The following ARFGEF1 variants were observed in gnomAD, a reference collection of about 807,000 sequenced individuals.
ARFGEF1 encodes the protein brefeldin A-inhibited guanine nucleotide-exchange protein 1.
A neutral mutation model predicts 231.0 loss-of-function variants in ARFGEF1; 42 were observed. That is an observed-to-expected ratio of 0.18 (90% CI 0.14 to 0.24). The LOEUF (loss-of-function observed/expected upper bound fraction) is 0.24, where lower values mean the gene tolerates loss of function less well. ARFGEF1 is among the 10% of genes least tolerant of loss of function. ARFGEF1 has a pLI of 1.00. For synonymous variants in ARFGEF1, 710 were observed against 732.3 expected (o/e 0.97, Z 0.49); for missense variants, 1,345 against 2,192.0 (o/e 0.61, Z 7.72).
downstream of ARFGEF1, chr8:67,175,461 A>C (rs764843751): frequency 1.9e-6 from 3 of 1,613,188 alleles, no homozygotes; most frequent in Admixed American, 3.3e-5. Flanking sequence ...TTGCTGTGTC[A>C]AATAGTATCA....
In ARFGEF1 at chr8:67,259,884, T is replaced by C. The variant is rs748668070; in HGVS notation, c.2166A>G (p.Glu722=). ...CAGGTGTGGTGCCAAGCATCCCTTG[T>C]TCTTGGAGGTACTGTATTCCTCTCT... is the stretch of plus-strand genomic sequence containing the variant. ...KPKRGIQYLQ[E]QGMLGTTPED... Residue 722 remains glutamate, a synonymous_variant, in exon 15 of 39, where the codon GAA becomes GAG. Transcript: ENST00000262215. 1 of 1,612,990 alleles carries C rather than the reference T, an allele frequency of 6.2e-7. No homozygotes were observed.
chr8:67,247,936 T>TGCTACTGAATTTTGTA (rs1840156470), intron 19 of ARFGEF1, among the ~76,000 whole-genome samples: 1 of 149,914 alleles, frequency 6.7e-6, no homozygotes. Context: ...GAGAAAGAAA[T>TGCTACTGAATTTTGTA]TTTAAAAATT....
chr8:67,243,152 C>A (rs1262888560), intron 19 of ARFGEF1, among the ~76,000 whole-genome samples: 1 of 152,226 alleles, frequency 6.6e-6, no homozygotes, highest in East Asian at 1.9e-4. Context: ...TATGAGTCTG[C>A]AAGAACTACA....
chr8:67,224,808 TG>T, intron 29 of ARFGEF1, 94 bp downstream of exon 29: 1 of 786,594 alleles, frequency 1.3e-6, no homozygotes, highest in Non-Finnish European at 1.8e-6. Flanking sequence ...CTTGATTTTA[TG>T]GTCTTTAACT....
At chr8:67,185,664 G>A (rs924437895) in intron 5 of ARFGEF1, among the ~76,000 whole-genome samples, 1 of 152,122 alleles carries the variant, frequency 6.6e-6, no homozygotes, top group Non-Finnish European at 1.5e-5. Context: ...AGTATATCTG[G>A]AAAGCAGTCT....
chr8:67,198,179 G>A lies in ARFGEF1; in HGVS notation c.*755C>T, dbSNP rs1432781994. 8.1e-6 allele frequency: 8 copies of A among 985,214 alleles called. No individual in the cohort carries two copies. Among genetic ancestry groups the A allele is most frequent in the African/African-American group, 1.8e-5 (1 of 57,026 alleles). 61.0% of individuals were successfully genotyped at this position (985,214 alleles called of 1,614,324 possible). A position where few individuals can be genotyped will look rare whatever the true frequency, so the allele number is the denominator to read the frequency against. ...TTTTTTTCCCTATTGTTGAAGTGTC[G>A]GCCACAACAGCTTCTGGGCATGTTA... On this transcript the variant is annotated 3_prime_UTR_variant, in exon 39 of 39. Coordinates refer to ENST00000262215, the MANE Select transcript of ARFGEF1 (RefSeq NM_006421.5).
chr8:67,304,943 G>A (rs1806669616), intron 1 of ARFGEF1, among the ~76,000 whole-genome samples: 1 of 152,178 alleles, frequency 6.6e-6, no homozygotes, highest in Admixed American at 6.5e-5. Flanking sequence ...AAGAGGCTGA[G>A]ATACTACTAC....
chr8:67,201,924 C>A (rs1381916458), intron 36 of ARFGEF1: 6 of 317,648 alleles, frequency 1.9e-5, no homozygotes, highest in South Asian at 1.1e-4. Flanking sequence ...ACAGGGGCAA[C>A]CCCCAGGAGG....
At position 67,198,914 on chromosome 8, in the gene ARFGEF1, A is replaced by T. The variant is rs1339452190; in HGVS notation, c.*20T>A. On this transcript the variant is annotated 3_prime_UTR_variant, in exon 39 of 39. Transcript: ENST00000262215. ...AAAGAGCAGAGGGATGTAAATGCCA[A>T]CAAAAATATTAAGTTCCCATCATTG... 2 of 1,610,244 alleles carry T rather than the reference A, an allele frequency of 1.2e-6. No homozygotes were observed. The highest frequency in any genetic ancestry group is 1.7e-6 in the Non-Finnish European group (2 of 1,178,974).
intron 1 of ARFGEF1, among the ~76,000 whole-genome samples, chr8:67,324,971 C>T (rs1006376221): frequency 2.7e-5 from 4 of 149,638 alleles, no homozygotes; most frequent in Non-Finnish European, 4.4e-5. Flanking sequence ...TGGAATGCAA[C>T]GGCGCTATCT....
rs1838163103 is a variant in ARFGEF1, at chr8:67,198,144, AT to A, written c.*789del. The A allele has an allele frequency of 1.0e-6, 1 of 985,610 alleles. No homozygotes were observed. The highest frequency in any genetic ancestry group is 4.7e-5 in the South Asian group (1 of 21,286). 61.1% of individuals were successfully genotyped at this position (985,610 alleles called of 1,614,324 possible). A position where few individuals can be genotyped will look rare whatever the true frequency, so the allele number is the denominator to read the frequency against. On this transcript the variant is annotated 3_prime_UTR_variant, in exon 39 of 39. Coordinates refer to ENST00000262215, the MANE Select transcript of ARFGEF1 (RefSeq NM_006421.5). ...ACAGGTAGTTACTGTCAGTAGGGAT[AT>A]TTTCTACCTTTTTTTCCCTATTGTT...
intron 5 of ARFGEF1, chr8:67,190,812 G>T (rs1385665498): frequency 2.3e-6 from 3 of 1,287,632 alleles, no homozygotes; most frequent in East Asian, 2.3e-5. Flanking sequence ...GAGAGGTCTG[G>T]GTTCTGACCT....
intron 26 of ARFGEF1, 37 bp from the exon 27 acceptor site, chr8:67,227,346 C>CA: frequency 6.3e-7 from 1 of 1,598,928 alleles, no homozygotes; most frequent in Non-Finnish European, 8.5e-7. Flanking sequence ...ATATGCAAAC[C>CA]GATAAAACTC....
In ARFGEF1 at chr8:67,187,077, A is replaced by C. The variant is rs28820669; in HGVS notation, c.561-11505T>G. On this transcript the variant is annotated intron_variant, in intron 5 of 5. Coordinates refer to the ARFGEF1 transcript ENST00000518789. ...AACTGATGAAATTGAAGGACTACTA[A>C]ATAAATGGAGATATATTTCATGACC... 2.2e-3 allele frequency among the ~76,000 whole-genome samples: 333 copies of C among 152,258 alleles called. 1 individual carries two copies. The highest frequency in any genetic ancestry group is 4.2e-3 in the Non-Finnish European group (284 of 68,018).
At position 67,198,619 on chromosome 8, in the gene ARFGEF1, G is replaced by T; in HGVS notation, c.*315C>A. 9.3e-7 allele frequency: 1 copy of T among 1,078,910 alleles called. No homozygotes were observed. The highest frequency in any genetic ancestry group is 4.2e-4 in the Middle Eastern group (1 of 2,366). The allele number at this position is 1,078,910 out of a possible 1,614,324, so 66.8% of individuals were successfully genotyped here. ...TCAATCTTTACATCTATAGTTCTTT[G>T]GGTAAGTTTCACTTCCACACCTGCC... On this transcript the variant is annotated 3_prime_UTR_variant, in exon 39 of 39. Coordinates refer to ENST00000262215, the MANE Select transcript of ARFGEF1 (RefSeq NM_006421.5).
At chr8:67,312,693 C>T (rs1239611052) in intron 1 of ARFGEF1, among the ~76,000 whole-genome samples, 1 of 152,128 alleles carries the variant, frequency 6.6e-6, no homozygotes, top group Non-Finnish European at 1.5e-5. Flanking sequence ...AATTGTTACA[C>T]ATTTAACACA....
At chr8:67,222,188 T>C (rs866440581) in intron 29 of ARFGEF1, among the ~76,000 whole-genome samples, 6,212 of 136,100 alleles carry the variant, frequency 0.046, 561 homozygotes, top group African/African-American at 0.17. Flanking sequence ...TACACATATA[T>C]ATATATATAT....
At chr8:67,213,383 G>A (rs1284082057) in intron 33 of ARFGEF1, among the ~76,000 whole-genome samples, 3 of 152,190 alleles carry the variant, frequency 2.0e-5, no homozygotes, top group South Asian at 2.1e-4. Context: ...AGTGGGCATT[G>A]TGTTTACAAA....
intron 5 of ARFGEF1, among the ~76,000 whole-genome samples, chr8:67,185,050 AG>A (rs1403344106): frequency 6.7e-6 from 1 of 148,856 alleles, no homozygotes; most frequent in Non-Finnish European, 1.5e-5. Context: ...GCTTGCAGTG[AG>A]CTGAGATCGC....
Sources: gnomAD v4.1 joint callset for allele counts (sites outside exome capture counted in the v4.1 genomes callset) on GRCh38, gnomAD v4.1.1 for gene constraint, MANE v1.5 for transcripts, NCBI Gene and HGNC (gene_info 2026-07-23, HGNC 2026-07-21) for gene names.